The following RPS6KC1 variants were observed in gnomAD, a reference collection of about 807,000 sequenced individuals.
The protein encoded by RPS6KC1 is ribosomal protein S6 kinase C1, also known as inactive ribosomal protein S6 kinase delta-1.
RPS6KC1 carries 54 observed loss-of-function variants against 103.8 expected under a neutral mutation model. The observed-to-expected ratio is 0.52, with a 90% confidence interval of 0.42 to 0.65. The LOEUF is 0.65. RPS6KC1 is among the 30% of genes least tolerant of loss of function. The pLI, the probability that RPS6KC1 is intolerant of heterozygous loss-of-function variation, is 0.00. For synonymous variants in RPS6KC1, 439 were observed against 438.7 expected (o/e 1.00, Z -0.01); for missense variants, 1,151 against 1,253.8 (o/e 0.92, Z 1.24).
chr1:213,566,988 G>A, the RPS6KC1 span, among the ~76,000 whole-genome samples: 1 of 152,122 alleles, frequency 6.6e-6, no homozygotes, highest in Non-Finnish European at 1.5e-5. Flanking sequence ...GTAATGTATG[G>A]TTGGTGGACA....
chr1:213,535,479 C>T, the RPS6KC1 span, among the ~76,000 whole-genome samples: 3 of 152,152 alleles, frequency 2.0e-5, no homozygotes, highest in Non-Finnish European at 2.9e-5. Context: ...CTGCCTGGGG[C>T]CCTGGGAGCC....
chr1:213,421,733 G>A, the RPS6KC1 span, among the ~76,000 whole-genome samples: 3 of 152,178 alleles, frequency 2.0e-5, no homozygotes, highest in Admixed American at 6.5e-5. Flanking sequence ...CCTGCTACGT[G>A]GTAGGTGCTC....
At chr1:213,777,692 T>C in the RPS6KC1 span, among the ~76,000 whole-genome samples, 1 of 152,196 alleles carries the variant, frequency 6.6e-6, no homozygotes, top group Non-Finnish European at 1.5e-5. Flanking sequence ...CAAGGTGCAA[T>C]AAAACGAAGT....
At chr1:213,643,900 C>A in the RPS6KC1 span, among the ~76,000 whole-genome samples, 1 of 151,968 alleles carries the variant, frequency 6.6e-6, no homozygotes, top group Non-Finnish European at 1.5e-5. Flanking sequence ...CAGATAGTTG[C>A]AATTTTTAAA....
At chr1:213,648,895 T>C in the RPS6KC1 span, among the ~76,000 whole-genome samples, 1 of 152,152 alleles carries the variant, frequency 6.6e-6, no homozygotes, top group Non-Finnish European at 1.5e-5. Flanking sequence ...CATTCCACAG[T>C]TTCTTCACTC....
chr1:213,184,707 T>G (rs1344719952), intron 8 of RPS6KC1, among the ~76,000 whole-genome samples: 2 of 152,198 alleles, frequency 1.3e-5, no homozygotes, highest in Non-Finnish European at 2.9e-5. Context: ...TTTTCATTTG[T>G]TTCGAGAAGT....
At chr1:213,334,636 A>G in the RPS6KC1 span, among the ~76,000 whole-genome samples, 1 of 152,220 alleles carries the variant, frequency 6.6e-6, no homozygotes, top group Non-Finnish European at 1.5e-5. Flanking sequence ...TGCTCCTGTG[A>G]ACACATTGCA....
the RPS6KC1 span, among the ~76,000 whole-genome samples, chr1:213,859,861 T>C: frequency 1.3e-5 from 2 of 152,164 alleles, no homozygotes; most frequent in Non-Finnish European, 2.9e-5. Context: ...AAATCATTCC[T>C]TCAATGCAGT....
the RPS6KC1 span, among the ~76,000 whole-genome samples, chr1:213,646,899 T>TATATATATATATATATA: frequency 1.4e-4 from 14 of 100,632 alleles, no homozygotes; most frequent in Admixed American, 2.6e-4. Context: ...ATATATATAT[T>TATATATATATATATATA]TTTGTTTGTT....
the RPS6KC1 span, among the ~76,000 whole-genome samples, chr1:213,835,129 T>A: frequency 2.0e-5 from 3 of 152,298 alleles, no homozygotes; most frequent in South Asian, 4.2e-4. Flanking sequence ...AGTGTCCACA[T>A]GACAAGAAGG....
the RPS6KC1 span, among the ~76,000 whole-genome samples, chr1:213,813,976 G>A: frequency 3.3e-5 from 5 of 152,238 alleles, no homozygotes; most frequent in Admixed American, 6.5e-5. Context: ...GCTGGGACTA[G>A]AGAGACCTGA....
the RPS6KC1 span, among the ~76,000 whole-genome samples, chr1:213,823,755 A>ACACACACAC: frequency 2.9e-4 from 29 of 100,624 alleles, no homozygotes; most frequent in African/African-American, 1.6e-3. Flanking sequence ...CACACACACC[A>ACACACACAC]CACCACATCA....
At chr1:213,206,169 A>T (rs1012464262) in intron 8 of RPS6KC1, among the ~76,000 whole-genome samples, 3 of 152,220 alleles carry the variant, frequency 2.0e-5, no homozygotes, top group Admixed American at 2.0e-4. Flanking sequence ...ATAGCATTGT[A>T]TGGACACTTT....
intron 8 of RPS6KC1, among the ~76,000 whole-genome samples, chr1:213,192,435 G>A (rs2092782349): frequency 6.6e-6 from 1 of 152,152 alleles, no homozygotes; most frequent in Non-Finnish European, 1.5e-5. Context: ...CTGTTTTTCA[G>A]AGTAGTTTCA....
chr1:213,702,052 G>A, the RPS6KC1 span, among the ~76,000 whole-genome samples: 1 of 151,780 alleles, frequency 6.6e-6, no homozygotes, highest in African/African-American at 2.4e-5. Flanking sequence ...GGCATTTATA[G>A]CTGTAAAATT....
chr1:213,487,466 A>G, the RPS6KC1 span, among the ~76,000 whole-genome samples: 2 of 151,610 alleles, frequency 1.3e-5, no homozygotes, highest in African/African-American at 2.4e-5. Context: ...GTTGCCTTCC[A>G]ATCCATTCTT....
At chr1:213,206,624 A>G (rs1055482550) in intron 8 of RPS6KC1, among the ~76,000 whole-genome samples, 6 of 152,204 alleles carry the variant, frequency 3.9e-5, no homozygotes, top group Admixed American at 1.3e-4. Context: ...TGAGCCAAAT[A>G]CTGCTTCTTT....
At chr1:213,199,671 A>G in intron 8 of RPS6KC1, among the ~76,000 whole-genome samples, 1 of 152,214 alleles carries the variant, frequency 6.6e-6, no homozygotes, top group East Asian at 1.9e-4. Flanking sequence ...AGAAAGAAAT[A>G]AAGGGCATTC....
the RPS6KC1 span, among the ~76,000 whole-genome samples, chr1:213,720,263 T>C: frequency 6.6e-6 from 1 of 152,216 alleles, no homozygotes; most frequent in Admixed American, 6.5e-5. Context: ...AAGAGAGGTC[T>C]GGGAGTGTTT....
Sources: allele counts gnomAD v4.1 joint callset (sites outside exome capture counted in the v4.1 genomes callset), GRCh38; gene constraint gnomAD v4.1.1; transcripts MANE v1.5; gene names NCBI Gene and HGNC (gene_info 2026-07-23, HGNC 2026-07-21).